RABGAP1L: variants seen among roughly 807,000 people sequenced by gnomAD.
RABGAP1L encodes the protein RAB GTPase activating protein 1 like.
Under a neutral mutation model 137.7 loss-of-function variants are expected in RABGAP1L, and 63 were observed. The ratio of observed to expected loss-of-function variants is 0.46; its 90% CI spans 0.37 to 0.56. The LOEUF (loss-of-function observed/expected upper bound fraction) is 0.56, where lower values mean the gene tolerates loss of function less well. Ranked by LOEUF, RABGAP1L falls within the 20% of genes least tolerant of loss-of-function variation. The probability of loss-of-function intolerance (pLI) is 0.00; values close to 1 mark genes in which losing one functional copy is unlikely to be tolerated. For synonymous variants in RABGAP1L, 431 were observed against 433.7 expected (o/e 0.99, Z 0.08); for missense variants, 1,095 against 1,244.0 (o/e 0.88, Z 1.80).
chr1:174,249,571 A>G (rs184839877), intron 5 of RABGAP1L, among the ~76,000 whole-genome samples: 6 of 151,438 alleles, frequency 4.0e-5, no homozygotes, highest in Admixed American at 3.3e-4. Context: ...TAAATGTCAG[A>G]GTTGTGAGAA....
At chr1:174,618,738 T>C (rs2148255762) in intron 13 of RABGAP1L, among the ~76,000 whole-genome samples, 1 of 152,268 alleles carries the variant, frequency 6.6e-6, no homozygotes, top group South Asian at 2.1e-4. Flanking sequence ...AGAGTGCCTC[T>C]CCTCCTCCAA....
At chr1:174,632,978 A>C (rs1197888860) in intron 13 of RABGAP1L, among the ~76,000 whole-genome samples, 1 of 151,992 alleles carries the variant, frequency 6.6e-6, no homozygotes, top group Non-Finnish European at 1.5e-5. Context: ...TCTGCGTTTT[A>C]GAGTTTCCAG....
intron 14 of RABGAP1L, among the ~76,000 whole-genome samples, chr1:174,658,321 C>T (rs1383051831): frequency 4.6e-5 from 7 of 151,878 alleles, no homozygotes; most frequent in African/African-American, 7.3e-5. Context: ...GATGTCACTG[C>T]CCATATTTTT....
At chr1:174,414,584 A>G (rs539173035) in intron 13 of RABGAP1L, among the ~76,000 whole-genome samples, 6 of 152,206 alleles carry the variant, frequency 3.9e-5, no homozygotes, top group Middle Eastern at 3.4e-3. Flanking sequence ...GAATGACTCT[A>G]TGAATTAAAC....
At chr1:174,403,136 T>A (rs1648809002) in intron 13 of RABGAP1L, among the ~76,000 whole-genome samples, 1 of 152,068 alleles carries the variant, frequency 6.6e-6, no homozygotes, top group Non-Finnish European at 1.5e-5. Flanking sequence ...GGTGTTTCTC[T>A]CTACCACTTG....
At chr1:174,441,656 C>T (rs529224522) in intron 13 of RABGAP1L, among the ~76,000 whole-genome samples, 62 of 152,148 alleles carry the variant, frequency 4.1e-4, no homozygotes, top group Admixed American at 9.2e-4. Context: ...ATTGCTTGAA[C>T]CTGGGAGGTG....
intron 13 of RABGAP1L, among the ~76,000 whole-genome samples, chr1:174,412,186 C>A (rs1389336072): frequency 1.3e-5 from 2 of 152,066 alleles, no homozygotes; most frequent in Admixed American, 1.3e-4. Flanking sequence ...GTTAAGTCTT[C>A]TTGTTGAATT....
intron 11 of RABGAP1L, among the ~76,000 whole-genome samples, chr1:174,336,201 C>T (rs1681451990): frequency 6.6e-6 from 1 of 152,208 alleles, no homozygotes; most frequent in Non-Finnish European, 1.5e-5. Flanking sequence ...TAGCCTTGAA[C>T]TCCTGGGTTC....
chr1:174,577,210 T>TAC (rs67709003), intron 13 of RABGAP1L, among the ~76,000 whole-genome samples: 6,018 of 126,804 alleles, frequency 0.047, 148 homozygotes, highest in Non-Finnish European at 0.057. Flanking sequence ...GGGGAAAAAA[T>TAC]ACACACACAC....
intron 18 of RABGAP1L, among the ~76,000 whole-genome samples, chr1:174,791,070 A>G (rs1487418712): frequency 2.0e-5 from 3 of 151,938 alleles, no homozygotes; most frequent in Non-Finnish European, 2.9e-5. Context: ...ACGTGCCTGT[A>G]ATCTCAGCTA....
At chr1:174,505,385 A>G (rs1362572300) in intron 13 of RABGAP1L, among the ~76,000 whole-genome samples, 13 of 151,922 alleles carry the variant, frequency 8.6e-5, no homozygotes, top group Admixed American at 8.5e-4. Flanking sequence ...TCTTTTTCAC[A>G]TTTTGGCCCA....
Position 174,988,819 on chromosome 1 carries a change from A to C in RABGAP1L, c.2984A>C (p.Glu995Ala). 2 of 1,539,566 alleles carry C rather than the reference A, an allele frequency of 1.3e-6. No individual in the cohort carries two copies. The highest frequency in any genetic ancestry group is 1.7e-6 in the Non-Finnish European group (2 of 1,143,406). ...GCACAAACCAAACTGCAGTTGGTGG[A>C]GGCCAAGTGTAAAATTCAGGTTGGT... ...ELAQTKLQLV[E>A]AKCKIQELEH... Residue 995 changes from glutamate (E) to alanine (A), a missense_variant, in exon 25 of 26, where the codon GAG (glutamate) becomes GCG (alanine). Glu to Ala is a moderately radical substitution (Grantham distance 107). Around this residue, in one of 4 missense-constraint regions of RABGAP1L, gnomAD observed 312 missense variants for 435.6 expected, o/e 0.72. Transcript: ENST00000681986.
chr1:174,464,994 A>G (rs1372721012), intron 13 of RABGAP1L, among the ~76,000 whole-genome samples: 1 of 152,024 alleles, frequency 6.6e-6, no homozygotes, highest in Non-Finnish European at 1.5e-5. Flanking sequence ...ATGAGCCCCA[A>G]AATCTTCCTA....
intron 17 of RABGAP1L, among the ~76,000 whole-genome samples, chr1:174,740,648 A>G (rs1683313901): frequency 6.6e-6 from 1 of 152,020 alleles, no homozygotes. Context: ...TTTTTGAGAA[A>G]TCTCCATACT....
intron 20 of RABGAP1L, among the ~76,000 whole-genome samples, chr1:174,963,757 G>A (rs1574025392): frequency 1.3e-5 from 2 of 152,060 alleles, no homozygotes; most frequent in East Asian, 3.9e-4. Context: ...TTTATTTATA[G>A]TGTATGGCTG....
chr1:174,666,325 G>A (rs1343213804), intron 14 of RABGAP1L, among the ~76,000 whole-genome samples: 6 of 152,146 alleles, frequency 3.9e-5, no homozygotes, highest in South Asian at 2.1e-4. Flanking sequence ...TTGCTATTAC[G>A]TAAATATCAA....
intron 11 of RABGAP1L, among the ~76,000 whole-genome samples, chr1:174,349,400 G>C: frequency 7.3e-6 from 1 of 137,530 alleles, no homozygotes; most frequent in Non-Finnish European, 1.6e-5. Context: ...GGCTGGCCGG[G>C]TGGGGGGCTG....
chr1:174,759,536 A>G (rs1468966900), intron 18 of RABGAP1L, among the ~76,000 whole-genome samples: 3 of 151,830 alleles, frequency 2.0e-5, no homozygotes, highest in Non-Finnish European at 2.9e-5. Flanking sequence ...CAGAGGTTGC[A>G]GTGAGCCAAA....
intron 13 of RABGAP1L, among the ~76,000 whole-genome samples, chr1:174,554,411 C>T (rs1360148946): frequency 6.6e-6 from 1 of 152,106 alleles, no homozygotes; most frequent in African/African-American, 2.4e-5. Flanking sequence ...CTCTTGATAA[C>T]CTGGTGGCTG....
Sources: gnomAD v4.1 joint callset for allele counts (sites outside exome capture counted in the v4.1 genomes callset) on GRCh38, gnomAD v4.1.1 for gene constraint, gnomAD v4.1.1 regional missense constraint, MANE v1.5 for transcripts, NCBI Gene and HGNC (gene_info 2026-07-23, HGNC 2026-07-21) for gene names.